NSD1: variants seen among roughly 807,000 people sequenced by gnomAD.
NSD1 encodes nuclear receptor binding SET domain protein 1.
In NSD1, 26 loss-of-function variants were observed where a neutral mutation model predicts 242.7. That is an observed-to-expected ratio of 0.11 (90% CI 0.08 to 0.15). The LOEUF (loss-of-function observed/expected upper bound fraction) is 0.15, where lower values mean the gene tolerates loss of function less well. Among genes scored for constraint, NSD1 ranks in the 10% least tolerant of loss-of-function variants. The pLI is 1.00. For synonymous variants in NSD1, 1,106 were observed against 1,178.1 expected, an observed-to-expected ratio of 0.94 and a Z score of 1.25; for missense variants, 2,495 against 3,272.8, an observed-to-expected ratio of 0.76 and a Z score of 5.80.
chr5:177,235,716 TG>T, intron 5 of NSD1, 104 bp from the exon 6 acceptor site: 1 of 1,439,902 alleles, frequency 6.9e-7, no homozygotes, highest in Admixed American at 1.8e-5. Context: ...TTTTACTATG[TG>T]GTTTCCCATC....
rs1353339051 is a variant in NSD1 at position 177,155,582 on chromosome 5, T to TA, written c.927+19555dup. Among the ~76,000 whole-genome samples the TA allele has an allele frequency of 2.0e-5, 3 of 146,582 alleles. No homozygotes were observed. In the East Asian group the frequency reaches 5.9e-4, roughly 29 times the overall value. On this transcript the variant is annotated intron_variant, in intron 2 of 22. Transcript: ENST00000439151. ...CTGGCTTTTTTTTTTTTTTTTTTTT[T>TA]AAACCTGGATGGTTTTATTTTGCAT...
chr5:177,250,601 C>T (rs1249575184), intron 11 of NSD1, among the ~76,000 whole-genome samples: 7 of 150,898 alleles, frequency 4.6e-5, no homozygotes, highest in Admixed American at 1.3e-4. Context: ...ACGTTATTGG[C>T]ACTCTGAATA....
chr5:177,207,925 T>C (rs1047968317), intron 4 of NSD1, among the ~76,000 whole-genome samples: 1 of 149,496 alleles, frequency 6.7e-6, no homozygotes, highest in Non-Finnish European at 1.5e-5. Flanking sequence ...TGTGTGTGCG[T>C]GTGTGTGTGT....
chr5:177,291,512 G>T (rs1759825308), intron 21 of NSD1, among the ~76,000 whole-genome samples: 2 of 152,136 alleles, frequency 1.3e-5, no homozygotes, highest in African/African-American at 2.4e-5. Flanking sequence ...AATTAGCCAG[G>T]AGTGGTGGTG....
At chr5:177,252,060 T>C (rs2149904989) in intron 12 of NSD1, among the ~76,000 whole-genome samples, 1 of 152,330 alleles carries the variant, frequency 6.6e-6, no homozygotes, top group African/African-American at 2.4e-5. Context: ...AGCATTGTGT[T>C]GGTGATACAT....
chr5:177,252,780 T>A (rs565796092), intron 12 of NSD1, among the ~76,000 whole-genome samples: 1 of 149,200 alleles, frequency 6.7e-6, no homozygotes, highest in South Asian at 2.1e-4. Context: ...GAAAGTGTTC[T>A]CTCGCTCTCT....
intron 2 of NSD1, among the ~76,000 whole-genome samples, chr5:177,151,467 C>G (rs928482397): frequency 6.6e-6 from 1 of 151,918 alleles, no homozygotes; most frequent in Non-Finnish European, 1.5e-5. Context: ...CGGCTCCCTG[C>G]AACTTCTGCC....
chr5:177,186,099 TA>T (rs1761205725), intron 2 of NSD1, among the ~76,000 whole-genome samples: 1 of 117,232 alleles, frequency 8.5e-6, no homozygotes, highest in Admixed American at 1.3e-4. Context: ...ATATAACATA[TA>T]TTATATTATA....
chr5:177,161,382 A>G (rs1051014072), intron 2 of NSD1, among the ~76,000 whole-genome samples: 7 of 152,058 alleles, frequency 4.6e-5, no homozygotes, highest in Non-Finnish European at 8.8e-5. Flanking sequence ...CTCAAAAAAA[A>G]AAATTCAGTG....
chr5:177,224,510 TACAA>T (rs1292320711), intron 5 of NSD1, among the ~76,000 whole-genome samples: 1 of 152,018 alleles, frequency 6.6e-6, no homozygotes, highest in Non-Finnish European at 1.5e-5. Context: ...TTAATATTAA[TACAA>T]ACATTTTGTA....
chr5:177,204,220 C>A lies in NSD1; in HGVS notation c.1164C>A (p.Gly388=). Residue 388 remains glycine, a synonymous_variant, in exon 4 of 23, where the codon GGC becomes GGA. Transcript: ENST00000439151. The part of the protein sequence containing the change: ...VAGKAIVMFE[G]RHQFEELPVL... ...GAAAAGCAATCGTCATGTTTGAAGG[C>A]AGACATCAATTCGAAGAGCTACCTG... 6.2e-7 allele frequency: 1 copy of A among 1,614,002 alleles called. No homozygotes were observed. The highest frequency in any genetic ancestry group is 1.1e-5 in the South Asian group (1 of 91,090).
At chr5:177,142,665 A>G (rs1450208957) in intron 2 of NSD1, among the ~76,000 whole-genome samples, 27 of 152,218 alleles carry the variant, frequency 1.8e-4, no homozygotes, top group Admixed American at 1.8e-3. Context: ...AAAATTTTAC[A>G]GATGCCCTCA....
At chr5:177,279,554 C>T (rs1313629326) in intron 17 of NSD1, among the ~76,000 whole-genome samples, 1 of 149,108 alleles carries the variant, frequency 6.7e-6, no homozygotes, top group Non-Finnish European at 1.5e-5. Context: ...GTGACACCAA[C>T]ATGTGGCAAT....
intron 2 of NSD1, among the ~76,000 whole-genome samples, chr5:177,152,476 C>CTTT (rs35553344): frequency 3.3e-4 from 36 of 110,482 alleles, no homozygotes; most frequent in Non-Finnish European, 4.9e-4. Context: ...TCAAGCGATT[C>CTTT]TTTTTTTTTT....
chr5:177,136,351 GT>G, intron 2 of NSD1: 1 of 235,362 alleles, frequency 4.2e-6, no homozygotes, highest in Non-Finnish European at 8.4e-6. Context: ...AAAAAGATGG[GT>G]TTTGGCCTGC....
At chr5:177,183,231 A>G (rs1047156186) in intron 2 of NSD1, among the ~76,000 whole-genome samples, 1 of 152,176 alleles carries the variant, frequency 6.6e-6, no homozygotes, top group Non-Finnish European at 1.5e-5. Context: ...GTTATTTTTA[A>G]TATATAATGC....
At chr5:177,208,490 T>A (rs997093889) in intron 4 of NSD1, among the ~76,000 whole-genome samples, 5 of 151,864 alleles carry the variant, frequency 3.3e-5, no homozygotes, top group Non-Finnish European at 5.9e-5. Flanking sequence ...TTTTTTTCTT[T>A]TTCTTTTTTT....
intron 5 of NSD1, among the ~76,000 whole-genome samples, chr5:177,227,498 G>A (rs1400889906): frequency 6.6e-6 from 1 of 152,084 alleles, no homozygotes; most frequent in African/African-American, 2.4e-5. Context: ...CCAGGCTGGA[G>A]TGCAGTGATG....
intron 21 of NSD1, 40 bp from the exon 22 acceptor site, chr5:177,291,914 G>A (rs768035386): frequency 6.3e-7 from 1 of 1,576,590 alleles, no homozygotes; most frequent in South Asian, 1.1e-5. Flanking sequence ...TGGTACTAAT[G>A]TGTTCACAGA....
Sources: gnomAD v4.1 joint callset for allele counts (sites outside exome capture counted in the v4.1 genomes callset) on GRCh38, gnomAD v4.1.1 for gene constraint, MANE v1.5 for transcripts, NCBI Gene and HGNC (gene_info 2026-07-23, HGNC 2026-07-21) for gene names.